PCDH15: variants seen among roughly 807,000 people sequenced by gnomAD.
PCDH15 encodes the protein protocadherin related 15.
A neutral mutation model predicts 178.5 loss-of-function variants in PCDH15; 129 were observed. That is an observed-to-expected ratio of 0.72 (90% CI 0.63 to 0.84). The LOEUF is 0.84. Among genes scored for constraint, PCDH15 ranks in the 40% least tolerant of loss-of-function variants. The pLI is 0.00. For missense variants in PCDH15, 2,230 were observed against 2,099.9 expected (o/e 1.06, Z -1.21); for synonymous variants, 800 against 732.0 (o/e 1.09, Z -1.50).
intron 2 of PCDH15, among the ~76,000 whole-genome samples, chr10:55,453,987 T>C (rs1309070855): frequency 6.6e-6 from 1 of 152,198 alleles, no homozygotes; most frequent in African/African-American, 2.4e-5. Flanking sequence ...TGTTTTTTAC[T>C]TTTATGTAAT....
chr10:55,529,880 G>A (rs1159813749), intron 2 of PCDH15, among the ~76,000 whole-genome samples: 4 of 149,390 alleles, frequency 2.7e-5, no homozygotes, highest in Admixed American at 6.7e-5. Flanking sequence ...TTCAATCATG[G>A]ATATGCTACG....
chr10:55,468,909 C>T (rs555528577), intron 2 of PCDH15, among the ~76,000 whole-genome samples: 2 of 152,122 alleles, frequency 1.3e-5, no homozygotes, highest in African/African-American at 4.8e-5. Flanking sequence ...TCTTGAAAAG[C>T]TTGGGGAATT....
intron 2 of PCDH15, among the ~76,000 whole-genome samples, chr10:54,645,077 G>T (rs111778105): frequency 2.3e-3 from 348 of 152,220 alleles, no homozygotes; most frequent in African/African-American, 7.9e-3. Context: ...GTTGTGGCAG[G>T]ATGACTAGGG....
At chr10:53,975,473 T>C (rs993723118) in intron 21 of PCDH15, among the ~76,000 whole-genome samples, 2 of 152,180 alleles carry the variant, frequency 1.3e-5, no homozygotes, top group Non-Finnish European at 2.9e-5. Context: ...TAATCAATAC[T>C]CTGACTGGTG....
intron 37 of PCDH15, chr10:53,809,258 A>G: frequency 6.2e-7 from 1 of 1,613,890 alleles, no homozygotes; most frequent in Non-Finnish European, 8.5e-7. Context: ...TCCTCCTCTG[A>G]TTCTACAGTG....
At chr10:55,227,249 C>T (rs772469227) in intron 1 of PCDH15, among the ~76,000 whole-genome samples, 3 of 152,018 alleles carry the variant, frequency 2.0e-5, no homozygotes, top group Non-Finnish European at 2.9e-5. Context: ...AGAAGAAAAT[C>T]GATAAATGTT....
At chr10:55,292,419 C>G (rs1000977992) in intron 1 of PCDH15, among the ~76,000 whole-genome samples, 1 of 152,064 alleles carries the variant, frequency 6.6e-6, no homozygotes, top group Non-Finnish European at 1.5e-5. Flanking sequence ...CTCACTCTTG[C>G]TACCCAGGCT....
intron 3 of PCDH15, among the ~76,000 whole-genome samples, chr10:54,474,016 A>G (rs1774656): frequency 7.6e-4 from 116 of 152,012 alleles, no homozygotes; most frequent in African/African-American, 2.5e-3. Context: ...CTTTTAAACA[A>G]TTAAAATCTA....
At chr10:54,205,783 T>C (rs2134022359) in intron 10 of PCDH15, among the ~76,000 whole-genome samples, 1 of 152,206 alleles carries the variant, frequency 6.6e-6, no homozygotes. Context: ...ACAGTTTGAC[T>C]TTAAGCCAAT....
intron 8 of PCDH15, among the ~76,000 whole-genome samples, chr10:54,288,436 CA>C (rs1229884722): frequency 6.6e-6 from 1 of 152,190 alleles, no homozygotes; most frequent in Admixed American, 6.5e-5. Flanking sequence ...CTCCGGTCTG[CA>C]GCTCCCAGTG....
chr10:54,516,685 G>A (rs557742215), intron 3 of PCDH15, among the ~76,000 whole-genome samples: 32 of 151,666 alleles, frequency 2.1e-4, no homozygotes, highest in East Asian at 5.8e-4. Context: ...GCAGGCCAAC[G>A]TTCAGATTCA....
chr10:53,904,691 AG>A (rs1364204030), intron 25 of PCDH15, among the ~76,000 whole-genome samples: 1 of 152,190 alleles, frequency 6.6e-6, no homozygotes. Flanking sequence ...CTGCAGTGCC[AG>A]GGCTCTGACT....
intron 2 of PCDH15, among the ~76,000 whole-genome samples, chr10:54,959,668 A>T (rs1838590314): frequency 2.0e-5 from 3 of 152,116 alleles, no homozygotes; most frequent in African/African-American, 7.2e-5. Context: ...TCTCACAAAA[A>T]GTTTAATCAG....
In PCDH15 at chr10:54,814,564, T is replaced by C. The variant is rs77646042; in HGVS notation, c.-29+82886A>G. On this transcript the variant is annotated intron_variant, in intron 3 of 5. Coordinates refer to the PCDH15 transcript ENST00000458638. Reference sequence around the variant, plus strand: ...CAATTCCTTGTAGCTAATAAATAAATGACAAGTCCTTATTGTAACATAAAG... The same window carrying C: ...CAATTCCTTGTAGCTAATAAATAAACGACAAGTCCTTATTGTAACATAAAG... 2.2e-3 allele frequency among the ~76,000 whole-genome samples: 340 copies of C among 152,276 alleles called. 2 individuals are homozygous for C. Among genetic ancestry groups the C allele is most frequent in the African/African-American group, 6.5e-3 (271 of 41,580 alleles).
intron 15 of PCDH15, among the ~76,000 whole-genome samples, chr10:54,128,505 A>G (rs2042163456): frequency 6.6e-6 from 1 of 152,164 alleles, no homozygotes; most frequent in Non-Finnish European, 1.5e-5. Flanking sequence ...TGATTAGAGT[A>G]TTGAATGGTG....
At chr10:54,502,869 T>A (rs1024870404) in intron 3 of PCDH15, among the ~76,000 whole-genome samples, 2 of 152,086 alleles carry the variant, frequency 1.3e-5, no homozygotes, top group Non-Finnish European at 2.9e-5. Context: ...TATGAGATTG[T>A]AAATCTCTTC....
At chr10:54,296,234 C>T (rs1377236266) in intron 8 of PCDH15, among the ~76,000 whole-genome samples, 1 of 149,386 alleles carries the variant, frequency 6.7e-6, no homozygotes, top group African/African-American at 2.5e-5. Flanking sequence ...GGCTCTCTTA[C>T]AACCCCTGAC....
At position 54,826,454 on chromosome 10, in the gene PCDH15, A is replaced by G. The variant is rs190605523; in HGVS notation, c.-29+70996T>C. Among the ~76,000 whole-genome samples the G allele has an allele frequency of 6.0e-3, 919 of 152,102 alleles. 5 individuals are homozygous for G. The highest frequency in any genetic ancestry group is 0.014 in the South Asian group (69 of 4,826). On this transcript the variant is annotated intron_variant, in intron 3 of 5. Coordinates refer to the PCDH15 transcript ENST00000458638. ...AACAAAAAAAAATTGAAATGAGATT[A>G]GCACACCCAACAGAAATAATTTATG...
At chr10:54,579,207 G>A (rs895820118) in intron 2 of PCDH15, among the ~76,000 whole-genome samples, 6 of 151,986 alleles carry the variant, frequency 3.9e-5, no homozygotes, top group African/African-American at 1.4e-4. Flanking sequence ...CTTGCAAGTT[G>A]TATAAAACAC....
Sources: allele counts gnomAD v4.1 joint callset (sites outside exome capture counted in the v4.1 genomes callset), GRCh38; gene constraint gnomAD v4.1.1; transcripts MANE v1.5; gene names NCBI Gene and HGNC (gene_info 2026-07-23, HGNC 2026-07-21).